Variants in CD99 observed in about 807,000 individuals in gnomAD.
The protein encoded by CD99 is CD99 antigen.
CD99 carries 19 observed loss-of-function variants against 28.4 expected under a neutral mutation model. The ratio of observed to expected loss-of-function variants is 0.67; its 90% CI spans 0.47 to 0.98. CD99 has a LOEUF of 0.98. Among genes scored for constraint, CD99 ranks in the 50% least tolerant of loss-of-function variants. The pLI is 0.00. For synonymous variants in CD99, 103 were observed against 92.1 expected (o/e 1.12, Z -0.67); for missense variants, 283 against 248.8 (o/e 1.14, Z -0.92).
intron 1 of CD99, among the ~76,000 whole-genome samples, chrX:2,698,637 T>G (rs1420999504): frequency 2.0e-5 from 3 of 151,770 alleles, no homozygotes; most frequent in Non-Finnish European, 4.4e-5. Context: ...CAATTAATTT[T>G]TACCTTTTTT....
chrX:2,708,698 G>C (rs1262090384), intron 1 of CD99, among the ~76,000 whole-genome samples: 2 of 152,212 alleles, frequency 1.3e-5, no homozygotes. Context: ...AAGGGGAGAA[G>C]GGCGTGAGGG....
At chrX:2,691,736 A>C (rs773355056) in intron 1 of CD99, 2 of 724,756 alleles carry the variant, frequency 2.8e-6, no homozygotes, top group African/African-American at 3.5e-5. Context: ...CTTCTTACAG[A>C]TCTCTCTCCC....
intron 1 of CD99, among the ~76,000 whole-genome samples, chrX:2,709,633 G>T (rs928216356): frequency 6.6e-6 from 1 of 152,150 alleles, no homozygotes; most frequent in African/African-American, 2.4e-5. Context: ...CCACATGAAT[G>T]CATGAGCACG....
intron 1 of CD99, chrX:2,691,768 A>G (rs764652500): frequency 2.6e-6 from 2 of 760,032 alleles, no homozygotes; most frequent in Middle Eastern, 2.3e-4. Flanking sequence ...CCCTCACCCC[A>G]CCCCGTTATC....
At chrX:2,710,578 A>G (rs1270876851) in intron 1 of CD99, among the ~76,000 whole-genome samples, 2 of 148,288 alleles carry the variant, frequency 1.3e-5, no homozygotes, top group African/African-American at 5.0e-5. Context: ...TCTGCTTATT[A>G]TTAAGTCTTC....
intron 6 of CD99, 123 bp downstream of exon 6, chrX:2,722,797 A>G (rs774134725): frequency 1.9e-6 from 2 of 1,059,808 alleles, no homozygotes; most frequent in African/African-American, 3.1e-5. Context: ...ATGTTCAGCC[A>G]TCTCTGTGGG....
At chrX:2,737,712 TCTCGAA>T (rs1320944143) in intron 8 of CD99, among the ~76,000 whole-genome samples, 1 of 151,116 alleles carries the variant, frequency 6.6e-6, no homozygotes, top group Admixed American at 6.6e-5. Flanking sequence ...GCCAGGCTGG[TCTCGAA>T]CTCCTGACCT....
At chrX:2,693,607 CA>C (rs1255530712) in intron 1 of CD99, among the ~76,000 whole-genome samples, 7 of 152,166 alleles carry the variant, frequency 4.6e-5, no homozygotes, top group Non-Finnish European at 1.0e-4. Context: ...CATCAGGCTG[CA>C]AAACCCCGTT....
intron 8 of CD99, among the ~76,000 whole-genome samples, chrX:2,729,279 C>T (rs1258419935): frequency 6.6e-6 from 1 of 152,100 alleles, no homozygotes; most frequent in Admixed American, 6.6e-5. Context: ...TGCGTGCAGA[C>T]GTAGGAACTT....
In CD99 at chrX:2,706,677, G is replaced by T. The variant is rs750813444; in HGVS notation, c.68-7745G>T. ...CTCCCACCCTTAATGGAGATGAACG[G>T]CATTATTGAGAAAGCTGCAGGCACA... On this transcript the variant is annotated intron_variant, in intron 1 of 9. Coordinates refer to ENST00000381192, the MANE Select transcript of CD99 (RefSeq NM_002414.5). Among the ~76,000 whole-genome samples the T allele has an allele frequency of 1.6e-3, 251 of 152,192 alleles. 2 individuals are homozygous for T. Among genetic ancestry groups the T allele is most frequent in the Admixed American group, 3.1e-3 (47 of 15,288 alleles).
chrX:2,733,286 G>A lies in CD99; in HGVS notation c.476-4914G>A. The A allele has an allele frequency of 2.0e-6, 3 of 1,513,316 alleles. No homozygotes were observed. The South Asian group carries it at 3.6e-5, about 18-fold the overall frequency. 93.7% of individuals were successfully genotyped at this position (1,513,316 alleles called of 1,614,324 possible). On this transcript the variant is annotated intron_variant, in intron 8 of 9. Transcript: ENST00000381192. ...CTGCTGCTGGGAGCCCCAGCGCACAGCAAAAGCAGACCCAGCACCAGTTTA... is the reference window on the plus strand; with the variant it reads ...CTGCTGCTGGGAGCCCCAGCGCACAACAAAAGCAGACCCAGCACCAGTTTA...
intron 1 of CD99, among the ~76,000 whole-genome samples, chrX:2,699,544 C>T (rs1281840667): frequency 2.0e-5 from 3 of 150,604 alleles, no homozygotes; most frequent in African/African-American, 4.9e-5. Context: ...AATCTTGGCT[C>T]GCTGCAACCT....
At chrX:2,733,588 C>A in intron 8 of CD99, 1 of 556,874 alleles carries the variant, frequency 1.8e-6, no homozygotes, top group Non-Finnish European at 3.3e-6. Context: ...CTCATTATAG[C>A]AAATCATATT....
intron 1 of CD99, among the ~76,000 whole-genome samples, chrX:2,709,183 G>T (rs1016191063): frequency 6.3e-5 from 5 of 79,760 alleles, no homozygotes; most frequent in Non-Finnish European, 1.7e-4. Context: ...ACATGTGCAT[G>T]CACACATACA....
At chrX:2,691,770 C>A (rs1309307740) in intron 1 of CD99, 2 of 763,336 alleles carry the variant, frequency 2.6e-6, no homozygotes, top group Admixed American at 1.8e-5. Flanking sequence ...CTCACCCCAC[C>A]CCGTTATCTA....
chrX:2,720,163 T>C (rs1454425355), intron 4 of CD99, among the ~76,000 whole-genome samples, 193 bp from the exon 5 acceptor site: 1 of 152,180 alleles, frequency 6.6e-6, no homozygotes, highest in Non-Finnish European at 1.5e-5. Context: ...TTATTAAACA[T>C]AGTTGACATT....
rs969051409 is a variant in CD99, at chrX:2,701,750, C to T, written c.67+10323C>T. Among the ~76,000 whole-genome samples the T allele has an allele frequency of 5.3e-5, 8 of 152,182 alleles. No individual in the cohort carries two copies. The East Asian group carries it at 1.3e-3, about 26-fold the overall frequency. On this transcript the variant is annotated intron_variant, in intron 1 of 9. Transcript: ENST00000381192. Reference sequence around the variant, plus strand: ...GAAGGGTTTGACGCAGACAGCTGTGCGGGGACGCTTAACCTGCCTAAGGCC... The same window carrying T: ...GAAGGGTTTGACGCAGACAGCTGTGTGGGGACGCTTAACCTGCCTAAGGCC...
intron 9 of CD99, among the ~76,000 whole-genome samples, chrX:2,738,577 T>C (rs1433244740): frequency 1.3e-5 from 2 of 151,896 alleles, no homozygotes; most frequent in Non-Finnish European, 1.5e-5. Context: ...AATACAAAAT[T>C]AGCTGAGTGT....
chrX:2,727,343 G>A (rs776956824), intron 8 of CD99: 9 of 778,942 alleles, frequency 1.2e-5, no homozygotes, highest in South Asian at 8.1e-5. Context: ...CCGTGAAGCT[G>A]GGAAGTAAGC....
Sources: gnomAD v4.1 joint callset for allele counts (sites outside exome capture counted in the v4.1 genomes callset) on GRCh38, gnomAD v4.1.1 for gene constraint, MANE v1.5 for transcripts, NCBI Gene and HGNC (gene_info 2026-07-23, HGNC 2026-07-21) for gene names.